The following UBR1 variants were observed in gnomAD, a reference collection of about 807,000 sequenced individuals.
UBR1 encodes the protein E3 ubiquitin-protein ligase UBR1.
In UBR1, 102 loss-of-function variants were observed where a neutral mutation model predicts 242.1. The ratio of observed to expected loss-of-function variants is 0.42; its 90% CI spans 0.36 to 0.50. The LOEUF (loss-of-function observed/expected upper bound fraction) is 0.50, where lower values mean the gene tolerates loss of function less well. Ranked by LOEUF, UBR1 falls within the 20% of genes least tolerant of loss-of-function variation. UBR1 has a pLI of 0.01. For missense variants in UBR1, 1,772 were observed against 2,101.8 expected (o/e 0.84, Z 3.07); for synonymous variants, 675 against 684.8 (o/e 0.99, Z 0.22).
At chr15:42,989,256 T>C (rs561609015) in intron 34 of UBR1, among the ~76,000 whole-genome samples, 8 of 152,096 alleles carry the variant, frequency 5.3e-5, no homozygotes, top group Non-Finnish European at 1.0e-4. Flanking sequence ...CTAGAAGGGG[T>C]TCAGGTTCTA....
intron 33 of UBR1, among the ~76,000 whole-genome samples, chr15:42,995,851 G>A (rs144883339): frequency 3.3e-4 from 50 of 152,298 alleles, no homozygotes; most frequent in Non-Finnish European, 5.1e-4. Context: ...CTGACAGGAC[G>A]TTGCCAGACT....
chr15:43,060,111 G>A lies in UBR1; in HGVS notation c.802C>T (p.Arg268Cys). 4 of 1,613,936 alleles carry A rather than the reference G, an allele frequency of 2.5e-6. No individual in the cohort carries two copies. The highest frequency in any genetic ancestry group is 1.1e-5 in the South Asian group (1 of 91,064). Reference sequence around the variant, plus strand: ...TAAGCTCCCGCTTTAACAGCCCGACGACCCTAATTATAGACAAAAGTGAGA... The same window carrying A: ...TAAGCTCCCGCTTTAACAGCCCGACAACCCTAATTATAGACAAAAGTGAGA... Reference protein sequence around the residue: ...LHTTAIDKEGRRAVKAGAYAA... With the variant: ...LHTTAIDKEGCRAVKAGAYAA... Residue 268 changes from arginine to cysteine, a missense_variant, in exon 7 of 47, where the codon CGT becomes TGT. Coordinates refer to ENST00000290650, the MANE Select transcript of UBR1 (RefSeq NM_174916.3).
At chr15:43,002,436 G>C in intron 32 of UBR1, 119 bp downstream of exon 32, 1 of 1,173,516 alleles carries the variant, frequency 8.5e-7, no homozygotes, top group Non-Finnish European at 1.2e-6. Context: ...ACCCAGGCTG[G>C]TCTCGAACCC....
chr15:43,031,673 A>G (rs538057170), intron 20 of UBR1, among the ~76,000 whole-genome samples: 29 of 152,250 alleles, frequency 1.9e-4, no homozygotes, highest in African/African-American at 6.7e-4. Context: ...AACTATTCAA[A>G]CCAAACAGCG....
In UBR1 at chr15:42,977,774, TA is replaced by T. The variant is rs1413516972; in HGVS notation, c.4218+105del. The T allele has an allele frequency of 1.4e-5, 15 of 1,041,792 alleles. No individual in the cohort carries two copies. The East Asian group carries it at 3.7e-4, about 26-fold the overall frequency. 64.5% of individuals were successfully genotyped at this position (1,041,792 alleles called of 1,614,324 possible). The stretch of plus-strand genomic sequence containing the variant: ...ACAGGAGAGACCAAACTTTATAGAT[TA>T]AACACAAAGAATTTATAATCTTGAA... On this transcript the variant is annotated intron_variant, in intron 38 of 46. Coordinates refer to ENST00000290650, the MANE Select transcript of UBR1 (RefSeq NM_174916.3).
intron 29 of UBR1, among the ~76,000 whole-genome samples, chr15:43,012,151 C>T (rs1053261491): frequency 1.5e-4 from 23 of 151,608 alleles, no homozygotes; most frequent in Admixed American, 1.4e-3. Context: ...GGCGTGAACC[C>T]TGGAGGTGGA....
chr15:43,000,395 G>A (rs1596093195), intron 32 of UBR1, among the ~76,000 whole-genome samples: 2 of 152,194 alleles, frequency 1.3e-5, no homozygotes, highest in East Asian at 3.8e-4. Context: ...AAGGAAAGAA[G>A]TAGCTAAATA....
chr15:42,966,206 G>C lies in UBR1; in HGVS notation c.4538C>G (p.Ala1513Gly). 1 of 1,614,152 alleles carries C rather than the reference G, an allele frequency of 6.2e-7. No individual in the cohort carries two copies. Among genetic ancestry groups the C allele is most frequent in the Non-Finnish European group, 8.5e-7 (1 of 1,180,024 alleles). The change falls in exon 41 of 47, where the codon GCA becomes GGA. Residue 1513 changes from alanine to glycine, a missense_variant. By Grantham distance (60) the Ala-to-Gly change is moderately conservative. Coordinates refer to ENST00000290650, the MANE Select transcript of UBR1 (RefSeq NM_174916.3). ...NGITPYLRCA[A>G]LFFHYLLGVT... is the part of the protein sequence containing the mutation. ...CCCAAGTAAATAGTGGAAAAACAAT[G>C]CAGCACAGCGAAGATAAGGGGTGAT...
chr15:43,015,169 A>C (rs997215507), intron 29 of UBR1, among the ~76,000 whole-genome samples: 1 of 152,376 alleles, frequency 6.6e-6, no homozygotes, highest in Admixed American at 6.5e-5. Context: ...AGAACGGGCC[A>C]TGATGATAAT....
In UBR1 at chr15:42,976,858, C is replaced by G; in HGVS notation, c.4228G>C (p.Val1410Leu). The G allele has an allele frequency of 5.6e-6, 9 of 1,613,622 alleles. No homozygotes were observed. Among genetic ancestry groups the G allele is most frequent in the Non-Finnish European group, 7.6e-6 (9 of 1,179,748 alleles). Reference sequence around the variant, plus strand: ...CAATACAAGGATGGGAATGCTAACACAGCACCCACCTATGAGAGAAAAATG... The same window carrying G: ...CAATACAAGGATGGGAATGCTAACAGAGCACCCACCTATGAGAGAAAAATG... ...IDLFHVLVGA[V>L]LAFPSLYWDD... is the part of the protein sequence containing the mutation. The change falls in exon 39 of 47, where the codon GTG (valine) becomes CTG (leucine). Residue 1410 changes from valine to leucine, a missense_variant. Around this residue, in one of 3 missense-constraint regions of UBR1, gnomAD observed 965 missense variants for 1,079.7 expected, o/e 0.89. Coordinates refer to ENST00000290650, the MANE Select transcript of UBR1 (RefSeq NM_174916.3).
intron 32 of UBR1, among the ~76,000 whole-genome samples, chr15:43,001,528 CA>C (rs1354849690): frequency 1.3e-5 from 2 of 152,200 alleles, no homozygotes; most frequent in Admixed American, 6.5e-5. Flanking sequence ...TTTTTATCAA[CA>C]AAACCATTTT....
chr15:43,076,504 T>C (rs1242696125), intron 3 of UBR1, among the ~76,000 whole-genome samples: 4 of 148,080 alleles, frequency 2.7e-5, no homozygotes, highest in Non-Finnish European at 6.0e-5. Context: ...GTGAGGAGCG[T>C]CTCTGCCCGG....
chr15:43,094,200 C>G (rs1043783065), intron 1 of UBR1, among the ~76,000 whole-genome samples: 23 of 152,066 alleles, frequency 1.5e-4, no homozygotes, highest in African/African-American at 5.6e-4. Flanking sequence ...GAGGCTGAGG[C>G]GGGCGGATTA....
chr15:43,055,982 G>A (rs1465010872), intron 11 of UBR1, among the ~76,000 whole-genome samples: 1 of 152,056 alleles, frequency 6.6e-6, no homozygotes, highest in African/African-American at 2.4e-5. Flanking sequence ...CTCCTCCCAG[G>A]CCTATGCAGC....
chr15:42,952,437 G>A lies in UBR1; in HGVS notation c.4847C>T (p.Ser1616Phe), dbSNP rs764269850. Residue 1616 changes from serine (S) to phenylalanine (F), a missense_variant, in exon 45 of 47, where the codon TCT becomes TTT. By Grantham distance (155) the Ser-to-Phe change is radical. Coordinates refer to ENST00000290650, the MANE Select transcript of UBR1 (RefSeq NM_174916.3). ...AGGATGCTTTCGCTCATCATCTGCA[G>A]ACCGTGGGCACCTCAAAAGAGAAGA... ...NQASHFRCPR[S>F]ADDERKHPVL... 6.8e-6 allele frequency: 11 copies of A among 1,614,098 alleles called. No homozygotes were observed. The highest frequency in any genetic ancestry group is 1.7e-5 in the Admixed American group (1 of 59,996).
chr15:43,052,858 T>C (rs1018039059), intron 12 of UBR1, among the ~76,000 whole-genome samples: 1 of 152,194 alleles, frequency 6.6e-6, no homozygotes, highest in Non-Finnish European at 1.5e-5. Flanking sequence ...CTACATGACA[T>C]AGTGAAAGGA....
At chr15:43,038,452 A>G (rs919712010) in intron 15 of UBR1, among the ~76,000 whole-genome samples, 3 of 152,034 alleles carry the variant, frequency 2.0e-5, no homozygotes, top group African/African-American at 7.2e-5. Flanking sequence ...CTACAATAAT[A>G]TAAAAATTAG....
At chr15:42,974,400 G>A (rs1404906937) in intron 39 of UBR1, among the ~76,000 whole-genome samples, 1 of 152,022 alleles carries the variant, frequency 6.6e-6, no homozygotes, top group Non-Finnish European at 1.5e-5. Flanking sequence ...ATCTATATCT[G>A]GGCTCTCTTT....
At position 43,022,200 on chromosome 15, in the gene UBR1, G is replaced by GA. The variant is rs2033119352; in HGVS notation, c.2839+501dup. On this transcript the variant is annotated intron_variant, in intron 26 of 46. Coordinates refer to ENST00000290650, the MANE Select transcript of UBR1 (RefSeq NM_174916.3). ...AATCAACATGCCTGGAATGTGCTTT[G>GA]AAAAAAACTATCTTAATCAGGTAGC... 2.6e-5 allele frequency among the ~76,000 whole-genome samples: 4 copies of GA among 151,852 alleles called. No homozygotes were observed. The South Asian group carries it at 8.3e-4, about 31-fold the overall frequency.
Sources: allele counts gnomAD v4.1 joint callset (sites outside exome capture counted in the v4.1 genomes callset), GRCh38; gene constraint gnomAD v4.1.1; regional missense constraint gnomAD v4.1.1; transcripts MANE v1.5; gene names NCBI Gene and HGNC (gene_info 2026-07-23, HGNC 2026-07-21).